HAPSTR1: variants seen among roughly 807,000 people sequenced by gnomAD.
HAPSTR1 encodes HUWE1 associated protein modifying stress responses.
chr16:9,118,031 G>A, the HAPSTR1 span: 1 of 152,630 alleles, frequency 6.6e-6, no homozygotes, highest in East Asian at 1.9e-4. Context: ...TTCTCTAGCT[G>A]TTAGGTAGAC....
At chr16:9,103,837 G>C in the HAPSTR1 span, 2 of 152,850 alleles carry the variant, frequency 1.3e-5, no homozygotes, top group Non-Finnish European at 2.9e-5. Context: ...TATCTCCCCA[G>C]GCCAGACCTG....
At chr16:9,092,304 G>T in the HAPSTR1 span, 1 of 1,455,666 alleles carries the variant, frequency 6.9e-7, no homozygotes, top group Non-Finnish European at 9.1e-7. Context: ...GTACCGCTTG[G>T]CCGCCCCCGC....
the HAPSTR1 span, chr16:9,113,179 G>A: frequency 3.9e-5 from 6 of 152,114 alleles, no homozygotes; most frequent in South Asian, 1.0e-3. Flanking sequence ...CTGTCAAAAT[G>A]CACATTTTTT....
the HAPSTR1 span, among the ~76,000 whole-genome samples, chr16:9,115,061 G>A: frequency 1.3e-5 from 2 of 152,054 alleles, no homozygotes; most frequent in Admixed American, 1.3e-4. Context: ...AGAAAGGAAT[G>A]GGGGCACCTA....
the HAPSTR1 span, chr16:9,119,954 A>G: frequency 4.6e-5 from 7 of 152,252 alleles, no homozygotes; most frequent in Non-Finnish European, 8.8e-5. Flanking sequence ...CTCAGAGGCC[A>G]GTGCAAGACG....
At chr16:9,115,958 A>G in the HAPSTR1 span, among the ~76,000 whole-genome samples, 2 of 152,188 alleles carry the variant, frequency 1.3e-5, no homozygotes, top group African/African-American at 4.8e-5. Flanking sequence ...AGGATTCTTC[A>G]CAACCCTCTC....
At chr16:9,115,931 G>A in the HAPSTR1 span, among the ~76,000 whole-genome samples, 1 of 152,090 alleles carries the variant, frequency 6.6e-6, no homozygotes, top group Admixed American at 6.6e-5. Context: ...AACTCTTAAT[G>A]TTGAAAACAA....
chr16:9,116,927 C>G, the HAPSTR1 span: 4 of 1,611,864 alleles, frequency 2.5e-6, no homozygotes, highest in Non-Finnish European at 3.4e-6. Flanking sequence ...CAAACATTTT[C>G]ACACCCACCA....
the HAPSTR1 span, chr16:9,105,951 C>G: frequency 1.3e-5 from 2 of 152,164 alleles, no homozygotes; most frequent in Non-Finnish European, 2.9e-5. Context: ...TACAGCCCAA[C>G]CAAATAACTG....
At chr16:9,104,444 G>A in the HAPSTR1 span, 4 of 152,142 alleles carry the variant, frequency 2.6e-5, no homozygotes, top group African/African-American at 9.7e-5. Flanking sequence ...CCATAGTACA[G>A]GTCATCTAAA....
chr16:9,115,447 G>A, the HAPSTR1 span, among the ~76,000 whole-genome samples: 7 of 152,120 alleles, frequency 4.6e-5, no homozygotes, highest in Non-Finnish European at 1.0e-4. Context: ...TGCCAGTGAC[G>A]GTAGGTTTTT....
At chr16:9,093,280 A>G in the HAPSTR1 span, among the ~76,000 whole-genome samples, 69 of 152,134 alleles carry the variant, frequency 4.5e-4, no homozygotes, top group Non-Finnish European at 8.4e-4. Context: ...AGGCTGCTGA[A>G]GGTCCTGCAG....
At chr16:9,118,924 G>C in the HAPSTR1 span, 1 of 152,466 alleles carries the variant, frequency 6.6e-6, no homozygotes, top group African/African-American at 2.4e-5. Flanking sequence ...GTTTAAGTTG[G>C]TGCTCTGAAG....
At chr16:9,119,179 T>TC in the HAPSTR1 span, 3 of 152,470 alleles carry the variant, frequency 2.0e-5, no homozygotes, top group Non-Finnish European at 4.4e-5. Context: ...CTTTCTCCTT[T>TC]CCCCGACGCA....
the HAPSTR1 span, among the ~76,000 whole-genome samples, chr16:9,113,486 CAGTGTTTTG>C: frequency 6.6e-6 from 1 of 152,144 alleles, no homozygotes; most frequent in Non-Finnish European, 1.5e-5. Flanking sequence ...ACTTCTGATA[CAGTGTTTTG>C]AGCCTTCCAT....
chr16:9,105,842 A>G, the HAPSTR1 span: 1 of 152,216 alleles, frequency 6.6e-6, no homozygotes, highest in Non-Finnish European at 1.5e-5. Context: ...TTGAGTTTAT[A>G]ATGAAAGCAA....
At chr16:9,106,529 G>C in the HAPSTR1 span, 3 of 151,834 alleles carry the variant, frequency 2.0e-5, no homozygotes, top group Non-Finnish European at 4.4e-5. Context: ...ATCTGCCTTA[G>C]CCTCACTGCT....
the HAPSTR1 span, among the ~76,000 whole-genome samples, chr16:9,115,654 C>T: frequency 6.6e-6 from 1 of 152,164 alleles, no homozygotes; most frequent in South Asian, 2.1e-4. Context: ...CGGAGTTTCG[C>T]TCTTGTCACC....
the HAPSTR1 span, chr16:9,116,747 T>C: frequency 1.9e-6 from 3 of 1,614,062 alleles, no homozygotes; most frequent in Non-Finnish European, 1.7e-6. Context: ...GTGGATCGAA[T>C]GCTAGTCGAA....
Sources: gnomAD v4.1 joint callset for allele counts (sites outside exome capture counted in the v4.1 genomes callset) on GRCh38, gnomAD v4.1.1 for gene constraint, MANE v1.5 for transcripts, NCBI Gene and HGNC (gene_info 2026-07-23, HGNC 2026-07-21) for gene names.